COG3: variants seen among roughly 807,000 people sequenced by gnomAD.
The protein encoded by COG3 is conserved oligomeric Golgi complex subunit 3.
In COG3, 32 loss-of-function variants were observed where a neutral mutation model predicts 114.1. That is an observed-to-expected ratio of 0.28 (90% confidence interval 0.21 to 0.38). The LOEUF (loss-of-function observed/expected upper bound fraction) is 0.38. Among genes scored for constraint, COG3 ranks in the 10% least tolerant of loss-of-function variants. The pLI, the probability that COG3 is intolerant of heterozygous loss-of-function variation, is 1.00. For missense variants in COG3, 813 were observed against 973.2 expected, an observed-to-expected ratio of 0.84 and a Z score of 2.19; for synonymous variants, 352 against 365.7, an observed-to-expected ratio of 0.96 and a Z score of 0.43.
At chr13:45,525,665 T>TA (rs1306959673) in intron 20 of COG3, among the ~76,000 whole-genome samples, 1 of 130,840 alleles carries the variant, frequency 7.6e-6, no homozygotes, top group Non-Finnish European at 1.7e-5. Flanking sequence ...TCTTTAGCGT[T>TA]AGACATTTAA....
At chr13:45,492,369 G>A in intron 11 of COG3, 119 bp downstream of exon 11, 1 of 559,286 alleles carries the variant, frequency 1.8e-6, no homozygotes, top group Non-Finnish European at 3.1e-6. Context: ...ACTTGTTTGT[G>A]TCTGTGAACA....
At chr13:45,476,138 CTT>C (rs1885847034) in intron 1 of COG3, 61 bp from the exon 2 acceptor site, 16 of 1,513,382 alleles carry the variant, frequency 1.1e-5, no homozygotes, top group African/African-American at 1.4e-5. Context: ...GAAACCCAAT[CTT>C]GAGTTAAGTT....
chr13:45,516,377 C>A, intron 17 of COG3, 114 bp downstream of exon 17: 1 of 883,754 alleles, frequency 1.1e-6, no homozygotes, highest in Non-Finnish European at 1.6e-6. Context: ...GCTTTGCTTG[C>A]TAAATATGTT....
At chr13:45,499,936 T>C (rs1222560222) in intron 13 of COG3, among the ~76,000 whole-genome samples, 37 of 152,030 alleles carry the variant, frequency 2.4e-4, no homozygotes, top group Admixed American at 1.7e-3. Flanking sequence ...GAGGATCACC[T>C]GAGCCCGGGA....
intron 12 of COG3, among the ~76,000 whole-genome samples, chr13:45,494,316 ACT>A (rs1289804601): frequency 6.8e-6 from 1 of 146,234 alleles, no homozygotes; most frequent in African/African-American, 2.6e-5. Flanking sequence ...CAACAGCAAG[ACT>A]CTGTCTTAAA....
rs900865777 is a variant in COG3, at chr13:45,534,749, T to C, written c.*18T>C. On this transcript the variant is annotated 3_prime_UTR_variant, in exon 23 of 23. Coordinates refer to ENST00000349995, the MANE Select transcript of COG3 (RefSeq NM_031431.4). The stretch of plus-strand genomic sequence containing the variant: ...CTAAATAAGCAGGCCAGCCGGGCTG[T>C]GCACCTAAATGTCTGTCTGGGAGGA... 2.6e-6 allele frequency: 4 copies of C among 1,553,538 alleles called. No homozygotes were observed. In the African/African-American group the frequency reaches 5.5e-5, roughly 21 times the overall value.
chr13:45,466,554 CG>C (rs1421416876), intron 1 of COG3: 4 of 152,148 alleles, frequency 2.6e-5, no homozygotes. Context: ...TCAATGAAGG[CG>C]CAGGTGGAAA....
intron 22 of COG3, among the ~76,000 whole-genome samples, chr13:45,532,373 G>T (rs1253381494): frequency 1.3e-5 from 2 of 152,050 alleles, no homozygotes; most frequent in South Asian, 2.1e-4. Flanking sequence ...AATATTTAGA[G>T]ATTTTTTTTC....
At chr13:45,481,895 A>G (rs898485386) in intron 5 of COG3, among the ~76,000 whole-genome samples, 2 of 152,180 alleles carry the variant, frequency 1.3e-5, no homozygotes, top group African/African-American at 4.8e-5. Flanking sequence ...ATGCAATGGA[A>G]AGTAGTTCAT....
chr13:45,523,060 T>C (rs1016402300), intron 19 of COG3, among the ~76,000 whole-genome samples: 2 of 152,180 alleles, frequency 1.3e-5, no homozygotes, highest in Non-Finnish European at 2.9e-5. Context: ...TTTGACAAAT[T>C]TGAGGTGAAG....
chr13:45,534,558 G>A (rs2137940087), intron 22 of COG3, 144 bp from the exon 23 acceptor site: 1 of 445,410 alleles, frequency 2.2e-6, no homozygotes, highest in East Asian at 3.5e-5. Flanking sequence ...TAGATTCAAG[G>A]GGTACATACA....
intron 19 of COG3, among the ~76,000 whole-genome samples, chr13:45,520,166 A>G (rs1871966581): frequency 2.0e-5 from 3 of 151,898 alleles, no homozygotes; most frequent in Non-Finnish European, 2.9e-5. Flanking sequence ...GCGTGTGCCT[A>G]TAGTCCCAGG....
chr13:45,485,076 T>A (rs7491043), intron 7 of COG3, among the ~76,000 whole-genome samples: 3 of 123,314 alleles, frequency 2.4e-5, no homozygotes, highest in Non-Finnish European at 1.7e-5. Context: ...TCCACAAAGC[T>A]GCCATTGTCA....
intron 14 of COG3, 35 bp downstream of exon 14, chr13:45,503,384 C>T: frequency 8.7e-7 from 1 of 1,155,662 alleles, no homozygotes; most frequent in Non-Finnish European, 1.3e-6. Context: ...AGCATTTATT[C>T]ATTTGGGTTA....
Position 45,525,132 on chromosome 13 carries a change from G to A in COG3, c.2230+81G>A, listed in dbSNP as rs112263749. 905 of 1,190,744 alleles carry A rather than the reference G, an allele frequency of 7.6e-4. 5 individuals carry two copies. The African/African-American group carries it at 0.013, about 17-fold the overall frequency. The allele number at this position is 1,190,744 out of a possible 1,614,324, so 73.8% of individuals were successfully genotyped here. On this transcript the variant is annotated intron_variant, in intron 20 of 22. Coordinates refer to ENST00000349995, the MANE Select transcript of COG3 (RefSeq NM_031431.4). ...TATATAGTCCTTACTGTGACAGCTT[G>A]GAGTTGGTTTCCTATTCACTCTGGG... is the stretch of plus-strand genomic sequence containing the variant.
intron 7 of COG3, among the ~76,000 whole-genome samples, chr13:45,484,133 C>T (rs781007716): frequency 1.1e-4 from 17 of 152,132 alleles, no homozygotes; most frequent in Non-Finnish European, 1.0e-4. Context: ...TTCTAAAGAA[C>T]GTGGAGTGTC....
chr13:45,525,801 C>A (rs1156644821), intron 20 of COG3, among the ~76,000 whole-genome samples: 1 of 72,674 alleles, frequency 1.4e-5, no homozygotes, highest in Non-Finnish European at 2.7e-5. Context: ...ATTGTGATAG[C>A]CTTTGAAACT....
At chr13:45,482,298 A>G (rs1007342694) in intron 5 of COG3, 83 bp from the exon 6 acceptor site, 2 of 668,014 alleles carry the variant, frequency 3.0e-6, no homozygotes, top group South Asian at 2.0e-5. Flanking sequence ...CTAAAGGCAA[A>G]TATGCTGACT....
At chr13:45,468,597 C>T (rs1420772104) in intron 1 of COG3, among the ~76,000 whole-genome samples, 3 of 152,122 alleles carry the variant, frequency 2.0e-5, no homozygotes, top group African/African-American at 7.2e-5. Context: ...TTTCTCCAAC[C>T]CAGAACTCTG....
Sources: allele counts gnomAD v4.1 joint callset (sites outside exome capture counted in the v4.1 genomes callset), GRCh38; gene constraint gnomAD v4.1.1; transcripts MANE v1.5; gene names NCBI Gene and HGNC (gene_info 2026-07-23, HGNC 2026-07-21).